Variants in CSGALNACT1 observed in about 807,000 individuals in gnomAD.
CSGALNACT1 encodes the protein chondroitin sulfate N-acetylgalactosaminyltransferase 1, also known as beta4GalNAcT-1.
A neutral mutation model predicts 51.0 loss-of-function variants in CSGALNACT1; 52 were observed. The observed-to-expected ratio is 1.02, with a 90% CI of 0.82 to 1.29. The LOEUF is 1.29. Ranked by LOEUF, CSGALNACT1 falls within the 50% of genes most tolerant of loss-of-function variation. The pLI, the probability that CSGALNACT1 is intolerant of heterozygous loss-of-function variation, is 0.00. For missense variants in CSGALNACT1, 935 were observed against 679.2 expected, an observed-to-expected ratio of 1.38 and a Z score of -4.19; for synonymous variants, 341 against 254.4, an observed-to-expected ratio of 1.34 and a Z score of -3.24.
intron 4 of CSGALNACT1, among the ~76,000 whole-genome samples, chr8:19,486,208 A>G (rs558888317): frequency 2.2e-4 from 34 of 151,456 alleles, no homozygotes; most frequent in African/African-American, 8.0e-4. Context: ...TGGCTTAATG[A>G]GCCTTGATGA....
At chr8:19,490,423 C>G (rs1490530876) in intron 4 of CSGALNACT1, among the ~76,000 whole-genome samples, 1 of 152,144 alleles carries the variant, frequency 6.6e-6, no homozygotes, top group Non-Finnish European at 1.5e-5. Context: ...TCCTCTTGTC[C>G]TTGAAAACTC....
chr8:19,491,053 AAC>A (rs2074258376), intron 4 of CSGALNACT1, among the ~76,000 whole-genome samples: 1 of 151,616 alleles, frequency 6.6e-6, no homozygotes, highest in Non-Finnish European at 1.5e-5. Flanking sequence ...GTATCTGGAA[AAC>A]ACAGCATCAC....
chr8:19,653,165 C>G (rs1020040696), intron 1 of CSGALNACT1, among the ~76,000 whole-genome samples: 5 of 152,202 alleles, frequency 3.3e-5, no homozygotes, highest in African/African-American at 9.6e-5. Flanking sequence ...GTTAACCCAA[C>G]CAGGAGACTT....
intron 3 of CSGALNACT1, among the ~76,000 whole-genome samples, chr8:19,528,076 C>G (rs1306559743): frequency 1.3e-5 from 2 of 151,970 alleles, no homozygotes; most frequent in Non-Finnish European, 2.9e-5. Context: ...TGGAGATGAC[C>G]CACATTGTTA....
At chr8:19,580,191 C>T (rs1332827965) in intron 3 of CSGALNACT1, among the ~76,000 whole-genome samples, 1 of 152,202 alleles carries the variant, frequency 6.6e-6, no homozygotes, top group Non-Finnish European at 1.5e-5. Context: ...ACTTCCAATG[C>T]AGCCAGAATG....
chr8:19,725,485 C>T (rs1242109610), intron 1 of CSGALNACT1, among the ~76,000 whole-genome samples: 1 of 143,978 alleles, frequency 6.9e-6, no homozygotes, highest in Non-Finnish European at 1.5e-5. Context: ...AGTGCAGTGG[C>T]GTGATCTCGG....
chr8:19,617,041 C>G (rs1001617748), intron 1 of CSGALNACT1, among the ~76,000 whole-genome samples: 1 of 152,072 alleles, frequency 6.6e-6, no homozygotes, highest in African/African-American at 2.4e-5. Flanking sequence ...TATTGGGAGC[C>G]CTGAGCTTGT....
Position 19,575,417 on chromosome 8 carries a change from A to C in CSGALNACT1, c.-297+15743T>G, listed in dbSNP as rs118087583. 6.8e-4 allele frequency among the ~76,000 whole-genome samples: 104 copies of C among 152,346 alleles called. 2 individuals carry two copies. The East Asian group carries it at 0.013, about 19-fold the overall frequency. ...AAAATAACTGAAGCTGAATCTAATC[A>C]AGTTTCTAAATCTACCTACTAGCTT... On this transcript the variant is annotated intron_variant, in intron 3 of 9. Coordinates refer to ENST00000454498, the Ensembl canonical transcript of CSGALNACT1.
chr8:19,465,098 C>T (rs118152041), intron 4 of CSGALNACT1, among the ~76,000 whole-genome samples: 2 of 152,170 alleles, frequency 1.3e-5, no homozygotes, highest in Non-Finnish European at 2.9e-5. Flanking sequence ...CAACTCACAC[C>T]CCCATCAACA....
chr8:19,694,452 A>G (rs888726112), intron 1 of CSGALNACT1, among the ~76,000 whole-genome samples: 1 of 152,258 alleles, frequency 6.6e-6, no homozygotes, highest in Non-Finnish European at 1.5e-5. Flanking sequence ...TAATTTTTCA[A>G]AAAGTTAAAA....
chr8:19,650,657 G>C (rs1017665042), intron 1 of CSGALNACT1, among the ~76,000 whole-genome samples: 1 of 152,154 alleles, frequency 6.6e-6, no homozygotes, highest in African/African-American at 2.4e-5. Context: ...GACGCTCCCA[G>C]GAGACCAGCC....
At chr8:19,634,877 A>G (rs1564311505) in intron 1 of CSGALNACT1, among the ~76,000 whole-genome samples, 1 of 152,244 alleles carries the variant, frequency 6.6e-6, no homozygotes, top group Non-Finnish European at 1.5e-5. Context: ...TGGAAGCCCA[A>G]GCTAAGACAG....
At chr8:19,689,613 T>C (rs1353584820) in intron 1 of CSGALNACT1, among the ~76,000 whole-genome samples, 1 of 152,236 alleles carries the variant, frequency 6.6e-6, no homozygotes, top group Non-Finnish European at 1.5e-5. Flanking sequence ...GAGAATTTTC[T>C]ATGTATTAAA....
chr8:19,539,935 G>T (rs1049032938), intron 3 of CSGALNACT1, among the ~76,000 whole-genome samples: 1 of 152,132 alleles, frequency 6.6e-6, no homozygotes, highest in African/African-American at 2.4e-5. Context: ...AGAGGAGTTG[G>T]GGTGAGTAGC....
At chr8:19,461,394 A>C (rs1295824740) in intron 4 of CSGALNACT1, among the ~76,000 whole-genome samples, 3 of 152,078 alleles carry the variant, frequency 2.0e-5, no homozygotes, top group Non-Finnish European at 2.9e-5. Flanking sequence ...GTCTGAAAGC[A>C]GCCACATTCA....
intron 1 of CSGALNACT1, among the ~76,000 whole-genome samples, chr8:19,669,664 G>C (rs542104441): frequency 6.6e-6 from 1 of 152,126 alleles, no homozygotes; most frequent in Non-Finnish European, 1.5e-5. Context: ...AGTAGAGATG[G>C]GGGTTTCACC....
chr8:19,725,537 G>A lies in CSGALNACT1; in HGVS notation c.-297+32313C>T, dbSNP rs1476694493. 5.4e-5 allele frequency among the ~76,000 whole-genome samples: 8 copies of A among 148,540 alleles called. No homozygotes were observed. The Admixed American group carries it at 5.5e-4, about 10-fold the overall frequency. On this transcript the variant is annotated intron_variant, in intron 1 of 1. Transcript: ENST00000517494. ...CCTTCCGGTTTCAAGCGATTCTCCT[G>A]CCTCAGCCTCCCTAATAGCTGGGAT...
intron 1 of CSGALNACT1, among the ~76,000 whole-genome samples, chr8:19,633,398 C>A (rs1408983648): frequency 6.6e-6 from 1 of 152,084 alleles, no homozygotes. Context: ...TGGTGGTACC[C>A]CAAAGAAGAT....
chr8:19,504,078 AATT>A (rs1372730638), intron 4 of CSGALNACT1, among the ~76,000 whole-genome samples: 3 of 152,150 alleles, frequency 2.0e-5, no homozygotes, highest in African/African-American at 7.2e-5. Context: ...GGGCAAGATG[AATT>A]ATTATTATTT....
Sources: gnomAD v4.1 joint callset for allele counts (sites outside exome capture counted in the v4.1 genomes callset) on GRCh38, gnomAD v4.1.1 for gene constraint, MANE v1.5 for transcripts, NCBI Gene and HGNC (gene_info 2026-07-23, HGNC 2026-07-21) for gene names.